Variants in COLGALT2 observed in about 807,000 individuals in gnomAD.
The protein encoded by COLGALT2 is collagen beta(1-O)galactosyltransferase 2, also known as procollagen galactosyltransferase 2.
A neutral mutation model predicts 73.4 loss-of-function variants in COLGALT2; 49 were observed. The observed-to-expected ratio is 0.67, with a 90% CI of 0.53 to 0.85. The LOEUF (loss-of-function observed/expected upper bound fraction) is 0.85. Among genes scored for constraint, COLGALT2 ranks in the 40% least tolerant of loss-of-function variants. The pLI, the probability that COLGALT2 is intolerant of heterozygous loss-of-function variation, is 0.00. For missense variants in COLGALT2, 722 were observed against 790.2 expected (o/e 0.91, Z 1.03); for synonymous variants, 295 against 307.6 (o/e 0.96, Z 0.43).
In COLGALT2 at chr1:183,937,326, C is replaced by G; in HGVS notation, c.*1435G>C. The G allele has an allele frequency of 1.9e-6, 2 of 1,053,514 alleles. No individual in the cohort carries two copies. The highest frequency in any genetic ancestry group is 2.3e-6 in the Non-Finnish European group (2 of 875,056). The allele number at this position is 1,053,514 out of a possible 1,614,324, so 65.3% of individuals were successfully genotyped here. ...AATTTACAGATTGAGGGCATGAGAA[C>G]ATAAACTTGAGGGAAACCACCATGA... is the stretch of plus-strand genomic sequence containing the variant. On this transcript the variant is annotated 3_prime_UTR_variant, in exon 12 of 12. Coordinates refer to ENST00000361927, the MANE Select transcript of COLGALT2 (RefSeq NM_015101.4).
rs189285031 is a variant in COLGALT2 at position 184,026,259 on chromosome 1, G to T, written c.263+10836C>A. On this transcript the variant is annotated intron_variant, in intron 1 of 11. Transcript: ENST00000361927. ...AGCCTCACTTCATCTCCAGGTGATT[G>T]TTATTTTCTTGGTGGGATGTGCTAA... is the stretch of plus-strand genomic sequence containing the variant. Among the ~76,000 whole-genome samples the T allele has an allele frequency of 8.5e-5, 13 of 152,206 alleles. No homozygotes were observed. In the East Asian group the frequency reaches 2.3e-3, roughly 27 times the overall value.
chr1:184,037,049 C>T, intron 1 of COLGALT2, 46 bp downstream of exon 1: 1 of 1,390,122 alleles, frequency 7.2e-7, no homozygotes, highest in East Asian at 3.1e-5. Context: ...CTGGGCAGGC[C>T]GCCCCCGCGT....
chr1:184,005,086 G>A (rs968760659), intron 1 of COLGALT2, among the ~76,000 whole-genome samples: 1 of 152,344 alleles, frequency 6.6e-6, no homozygotes, highest in East Asian at 1.9e-4. Flanking sequence ...TCCCGCAAGT[G>A]ATCCACAGCC....
chr1:183,946,802 T>C (rs1202296965), intron 8 of COLGALT2, among the ~76,000 whole-genome samples: 1 of 152,002 alleles, frequency 6.6e-6, no homozygotes, highest in Non-Finnish European at 1.5e-5. Flanking sequence ...GAGGCCGAGG[T>C]GGGCAGATCA....
intron 1 of COLGALT2, among the ~76,000 whole-genome samples, chr1:183,988,650 T>TTGTA (rs1671551856): frequency 6.6e-6 from 1 of 152,240 alleles, no homozygotes; most frequent in Non-Finnish European, 1.5e-5. Context: ...TTCACGCATG[T>TTGTA]TGTAGCACGT....
chr1:183,939,883 A>G (rs969887995), intron 11 of COLGALT2, among the ~76,000 whole-genome samples: 1 of 152,246 alleles, frequency 6.6e-6, no homozygotes, highest in Non-Finnish European at 1.5e-5. Context: ...CATTTGGACT[A>G]GGCTCTAAGG....
intron 1 of COLGALT2, among the ~76,000 whole-genome samples, chr1:184,028,487 C>T (rs1649399232): frequency 6.6e-6 from 1 of 152,184 alleles, no homozygotes; most frequent in African/African-American, 2.4e-5. Context: ...AGTCCTACTT[C>T]CCTCTTGGCA....
chr1:183,944,200 G>T lies in COLGALT2; in HGVS notation c.1393C>A (p.Leu465Met). Residue 465 changes from leucine (L) to methionine (M), a missense_variant, in exon 10 of 12, where the codon CTG becomes ATG. By Grantham distance (15) the Leu-to-Met change is conservative. Coordinates refer to ENST00000361927, the MANE Select transcript of COLGALT2 (RefSeq NM_015101.4). ...NIDQAQLDWELIYIGRKRMQV... is the reference protein window; with the variant it reads ...NIDQAQLDWEMIYIGRKRMQV... ...TAAGATCATCTTGTCACTCACATCA[G>T]TTCCCAGTCCAGCTGAGCCTGGTCA... is the stretch of plus-strand genomic sequence containing the variant. The T allele has an allele frequency of 1.9e-6, 3 of 1,611,638 alleles. No individual in the cohort carries two copies. Among genetic ancestry groups the T allele is most frequent in the Non-Finnish European group, 8.5e-7 (1 of 1,179,132 alleles).
downstream of COLGALT2, among the ~76,000 whole-genome samples, chr1:183,932,041 T>C (rs1669859230): frequency 6.6e-6 from 1 of 152,134 alleles, no homozygotes; most frequent in African/African-American, 2.4e-5. Flanking sequence ...AATCAGTATA[T>C]GAGGTTTCAC....
intron 8 of COLGALT2, among the ~76,000 whole-genome samples, chr1:183,947,004 C>T (rs768570973): frequency 6.6e-6 from 1 of 151,970 alleles, no homozygotes; most frequent in Non-Finnish European, 1.5e-5. Flanking sequence ...GCACTGCAGC[C>T]TGGGTGACAG....
intron 1 of COLGALT2, among the ~76,000 whole-genome samples, chr1:184,012,563 C>T (rs1441067765): frequency 1.3e-5 from 2 of 152,284 alleles, no homozygotes; most frequent in South Asian, 2.1e-4. Flanking sequence ...AGAAACTGTA[C>T]ATTTTCAGTG....
intron 5 of COLGALT2, among the ~76,000 whole-genome samples, chr1:183,966,794 C>A (rs989715519): frequency 6.6e-6 from 1 of 152,176 alleles, no homozygotes; most frequent in Non-Finnish European, 1.5e-5. Flanking sequence ...AACAGAGACG[C>A]GCCTATGACC....
In COLGALT2 at chr1:183,937,291, T is replaced by G; in HGVS notation, c.*1470A>C. 1 of 1,112,382 alleles carries G rather than the reference T, an allele frequency of 9.0e-7. No homozygotes were observed. The highest frequency in any genetic ancestry group is 5.0e-5 in the East Asian group (1 of 20,032). 68.9% of individuals were successfully genotyped at this position (1,112,382 alleles called of 1,614,324 possible). ...TATGGGATGCCTGGGAGGGTTTTTC[T>G]GGAGACAAAAATTTACAGATTGAGG... On this transcript the variant is annotated 3_prime_UTR_variant, in exon 12 of 12. Coordinates refer to ENST00000361927, the MANE Select transcript of COLGALT2 (RefSeq NM_015101.4).
intron 1 of COLGALT2, among the ~76,000 whole-genome samples, chr1:184,026,754 C>G (rs939297197): frequency 6.6e-6 from 1 of 152,084 alleles, no homozygotes; most frequent in African/African-American, 2.4e-5. Context: ...CGGGAAAAAT[C>G]TAAGAAAATT....
intron 1 of COLGALT2, among the ~76,000 whole-genome samples, chr1:184,008,118 C>A (rs949209623): frequency 6.6e-6 from 1 of 152,166 alleles, no homozygotes; most frequent in East Asian, 1.9e-4. Flanking sequence ...AAGGGGCAAA[C>A]AGACGTCAAC....
At chr1:184,021,566 G>A (rs1649183384) in intron 1 of COLGALT2, among the ~76,000 whole-genome samples, 1 of 152,150 alleles carries the variant, frequency 6.6e-6, no homozygotes, top group Admixed American at 6.5e-5. Context: ...GTCGCCAGAT[G>A]CCAGCCCCTC....
downstream of COLGALT2, among the ~76,000 whole-genome samples, chr1:183,931,359 C>T (rs1328105394): frequency 6.6e-6 from 1 of 152,286 alleles, no homozygotes; most frequent in Non-Finnish European, 1.5e-5. Context: ...GTCTGAGGAA[C>T]ATTCTACTGA....
rs187490856 is a variant in COLGALT2 at position 184,000,965 on chromosome 1, G to A, written c.264-22445C>T. The stretch of plus-strand genomic sequence containing the variant: ...CTGCCTCAGCCTCCCGAGTATCTGG[G>A]ACTACAGGCGCCCGCCACCACGCCT... On this transcript the variant is annotated intron_variant, in intron 1 of 11. Coordinates refer to ENST00000361927, the MANE Select transcript of COLGALT2 (RefSeq NM_015101.4). Among the ~76,000 whole-genome samples the A allele has an allele frequency of 1.3e-3, 198 of 152,068 alleles. 1 individual carries two copies. The highest frequency in any genetic ancestry group is 4.7e-3 in the African/African-American group (193 of 41,490).
At chr1:183,956,781 C>T (rs568431805) in intron 6 of COLGALT2, among the ~76,000 whole-genome samples, 1 of 152,118 alleles carries the variant, frequency 6.6e-6, no homozygotes, top group Non-Finnish European at 1.5e-5. Context: ...AAAGTCATCA[C>T]TGAGCAAAAA....
Sources: allele counts gnomAD v4.1 joint callset (sites outside exome capture counted in the v4.1 genomes callset), GRCh38; gene constraint gnomAD v4.1.1; transcripts MANE v1.5; gene names NCBI Gene and HGNC (gene_info 2026-07-23, HGNC 2026-07-21).